APBA2: variants seen among roughly 807,000 people sequenced by gnomAD.
APBA2 encodes the protein amyloid-beta A4 precursor protein-binding family A member 2.
In APBA2, 30 loss-of-function variants were observed where a neutral mutation model predicts 75.0. The ratio of observed to expected loss-of-function variants is 0.40; its 90% CI spans 0.30 to 0.54. APBA2 has a LOEUF of 0.54. Among genes scored for constraint, APBA2 ranks in the 20% least tolerant of loss-of-function variants. The probability of loss-of-function intolerance (pLI) is 0.49; values close to 1 mark genes in which losing one functional copy is unlikely to be tolerated. For missense variants in APBA2, 801 were observed against 1,016.1 expected (o/e 0.79, Z 2.88); for synonymous variants, 444 against 409.6 (o/e 1.08, Z -1.01).
Position 29,074,963 on chromosome 15 carries a change from G to C in APBA2, c.994G>C (p.Asp332His), listed in dbSNP as rs562643065. Residue 332 changes from aspartate to histidine, a missense_variant, in exon 5 of 15, where the codon GAT becomes CAT. By Grantham distance (81) the Asp-to-His change is moderately conservative. Coordinates refer to ENST00000683413, the MANE Select transcript of APBA2 (RefSeq NM_001353788.2). ...GCAGCCAAGGAAGCAGCAGCGCTCT[G>C]ATCTCAATGGACCTGTTGACAATAA... ...LEQPRKQQRSDLNGPVDNNNI... is the reference protein window; with the variant it reads ...LEQPRKQQRSHLNGPVDNNNI... The C allele has an allele frequency of 2.0e-5, 32 of 1,614,164 alleles. 1 individual carries two copies. In the South Asian group the frequency reaches 3.3e-4, roughly 17 times the overall value.
At chr15:29,090,741 A>G (rs987358380) in intron 6 of APBA2, among the ~76,000 whole-genome samples, 1 of 152,110 alleles carries the variant, frequency 6.6e-6, no homozygotes, top group Non-Finnish European at 1.5e-5. Context: ...ATTGGGCCCC[A>G]CTGGGTGACT....
At chr15:29,019,337 T>C (rs140203364) in intron 3 of APBA2, among the ~76,000 whole-genome samples, 287 of 152,346 alleles carry the variant, frequency 1.9e-3, no homozygotes, top group Middle Eastern at 3.4e-3. Context: ...TTAAGGATAT[T>C]ATATTTAGGG....
At chr15:29,086,304 C>A (rs2043288390) in intron 6 of APBA2, among the ~76,000 whole-genome samples, 1 of 152,174 alleles carries the variant, frequency 6.6e-6, no homozygotes, top group South Asian at 2.1e-4. Context: ...GACGAGAGGT[C>A]CTGAGCCAAA....
intron 8 of APBA2, among the ~76,000 whole-genome samples, chr15:29,096,521 AC>A (rs1377676966): frequency 6.6e-6 from 1 of 152,208 alleles, no homozygotes; most frequent in Non-Finnish European, 1.5e-5. Flanking sequence ...GCTGAATATA[AC>A]CCAATTTTAA....
chr15:29,004,280 A>G (rs2038998612), intron 3 of APBA2, among the ~76,000 whole-genome samples: 1 of 152,308 alleles, frequency 6.6e-6, no homozygotes, highest in Non-Finnish European at 1.5e-5. Context: ...CAGTCTTGGA[A>G]GTGAAGGTCT....
chr15:29,107,104 C>G (rs1194749383), intron 12 of APBA2, among the ~76,000 whole-genome samples: 2 of 152,182 alleles, frequency 1.3e-5, no homozygotes, highest in African/African-American at 4.8e-5. Context: ...GGCCCAAGAA[C>G]CAGTGAGTAT....
intron 2 of APBA2, among the ~76,000 whole-genome samples, chr15:28,971,720 C>G (rs1480567336): frequency 2.0e-5 from 3 of 152,094 alleles, no homozygotes; most frequent in Admixed American, 2.0e-4. Context: ...AATCTCTCTC[C>G]TTAATTAAAA....
At chr15:28,934,233 G>A (rs982056305) in intron 2 of APBA2, among the ~76,000 whole-genome samples, 2 of 152,140 alleles carry the variant, frequency 1.3e-5, no homozygotes, top group African/African-American at 4.8e-5. Flanking sequence ...GAGGGACTCA[G>A]TGGAGCTTGC....
intron 3 of APBA2, among the ~76,000 whole-genome samples, chr15:29,032,443 A>T (rs1480352566): frequency 1.3e-5 from 2 of 152,256 alleles, no homozygotes; most frequent in Non-Finnish European, 2.9e-5. Flanking sequence ...CTCCTCCTGG[A>T]GTTCCCAGCC....
chr15:28,969,465 C>T (rs1217574794), intron 2 of APBA2, among the ~76,000 whole-genome samples: 2 of 152,044 alleles, frequency 1.3e-5, no homozygotes, highest in Non-Finnish European at 2.9e-5. Context: ...CAGGTGTGAG[C>T]CACTGCACCG....
At chr15:28,978,324 C>T (rs563382326) in intron 2 of APBA2, among the ~76,000 whole-genome samples, 1 of 152,340 alleles carries the variant, frequency 6.6e-6, no homozygotes, top group Admixed American at 6.5e-5. Context: ...CAGCGTTTGC[C>T]TTCATTGTCA....
chr15:28,922,526 G>C (rs932360101), intron 2 of APBA2, among the ~76,000 whole-genome samples: 1 of 152,196 alleles, frequency 6.6e-6, no homozygotes, highest in Non-Finnish European at 1.5e-5. Flanking sequence ...TCTGTGCCCA[G>C]TGGAATATCT....
In APBA2 at chr15:29,101,594, G is replaced by A. The variant is rs371434692; in HGVS notation, c.1339-5G>A. On this transcript the variant is annotated splice_polypyrimidine_tract_variant and splice_region_variant and intron_variant, in intron 9 of 14. Coordinates refer to ENST00000683413, the MANE Select transcript of APBA2 (RefSeq NM_001353788.2). ...CCTGACGTGGCACTGTCTCCCTCCC[G>A]ACAGGAAACCATGATGGACCACGCC... 2.7e-5 allele frequency: 44 copies of A among 1,612,514 alleles called. No individual in the cohort carries two copies. Among genetic ancestry groups the A allele is most frequent in the Non-Finnish European group, 3.1e-5 (36 of 1,179,508 alleles).
intron 12 of APBA2, 32 bp from the exon 13 acceptor site, chr15:29,108,238 C>T (rs756943967): frequency 9.3e-6 from 15 of 1,613,172 alleles, no homozygotes; most frequent in Non-Finnish European, 1.3e-5. Context: ...GTCTAAGGCC[C>T]AGCCTGTGAC....
Position 29,105,569 on chromosome 15 carries a change from C to A in APBA2, c.1704+11C>A. 6.2e-7 allele frequency: 1 copy of A among 1,612,802 alleles called. No individual in the cohort carries two copies. On this transcript the variant is annotated intron_variant, in intron 11 of 14. Coordinates refer to ENST00000683413, the MANE Select transcript of APBA2 (RefSeq NM_001353788.2). ...GAGAACTGCAAGGAGGTAAGCCACA[C>A]CCACCAGCCTCAGGGAGGCCACATT...
intron 6 of APBA2, among the ~76,000 whole-genome samples, chr15:29,083,539 G>A (rs959702791): frequency 6.6e-6 from 1 of 151,834 alleles, no homozygotes; most frequent in Non-Finnish European, 1.5e-5. Flanking sequence ...TGTTTGTTTT[G>A]TTTTGTTTTG....
chr15:28,989,602 A>G (rs2038110097), intron 2 of APBA2, among the ~76,000 whole-genome samples: 1 of 152,158 alleles, frequency 6.6e-6, no homozygotes, highest in Admixed American at 6.5e-5. Flanking sequence ...GAGCTGCCTG[A>G]ACGGAAAACG....
At chr15:29,051,769 A>G (rs1341514407) in intron 3 of APBA2, among the ~76,000 whole-genome samples, 1 of 152,110 alleles carries the variant, frequency 6.6e-6, no homozygotes, top group Admixed American at 6.5e-5. Flanking sequence ...CTAAAGAGAC[A>G]AGAGGGGAAG....
chr15:29,083,289 A>C (rs1322166564), intron 6 of APBA2, among the ~76,000 whole-genome samples: 1 of 152,098 alleles, frequency 6.6e-6, no homozygotes, highest in African/African-American at 2.4e-5. Flanking sequence ...ACCGTACCCA[A>C]ATCGTCATGT....
Sources: allele counts gnomAD v4.1 joint callset (sites outside exome capture counted in the v4.1 genomes callset), GRCh38; gene constraint gnomAD v4.1.1; transcripts MANE v1.5; gene names NCBI Gene and HGNC (gene_info 2026-07-23, HGNC 2026-07-21).